The following PAPLN variants were observed in gnomAD, a reference collection of about 807,000 sequenced individuals.
PAPLN encodes the protein papilin, proteoglycan like sulfated glycoprotein, also known as papilin.
PAPLN carries 146 observed loss-of-function variants against 159.0 expected under a neutral mutation model. The observed-to-expected ratio is 0.92, with a 90% CI of 0.80 to 1.05. The LOEUF is 1.05. PAPLN is among the 50% of genes least tolerant of loss of function. PAPLN has a pLI of 0.00. For missense variants in PAPLN, 1,720 were observed against 1,743.9 expected (o/e 0.99, Z 0.24); for synonymous variants, 734 against 702.9 (o/e 1.04, Z -0.70).
At chr14:73,267,050 C>T (rs183173144) in intron 25 of PAPLN, among the ~76,000 whole-genome samples, 2 of 152,292 alleles carry the variant, frequency 1.3e-5, no homozygotes, top group East Asian at 3.9e-4. Flanking sequence ...GGTTTCCTAA[C>T]CTCAGCACTG....
chr14:73,248,948 T>C (rs539301218), intron 5 of PAPLN, among the ~76,000 whole-genome samples: 9 of 152,224 alleles, frequency 5.9e-5, no homozygotes, highest in African/African-American at 2.2e-4. Context: ...CTGGGTATCG[T>C]AGTGAGACCC....
At chr14:73,260,928 A>G in intron 17 of PAPLN, 99 bp downstream of exon 17, 1 of 1,458,136 alleles carries the variant, frequency 6.9e-7, no homozygotes. Context: ...CCTCGGAGAA[A>G]GGAGGTCCCT....
intron 7 of PAPLN, 109 bp downstream of exon 7, chr14:73,251,139 C>A: frequency 6.7e-7 from 1 of 1,489,534 alleles, no homozygotes; most frequent in Non-Finnish European, 9.0e-7. Context: ...CCTCATGGCA[C>A]TGGAAGGCTC....
Position 73,261,208 on chromosome 14 carries a change from G to A in PAPLN, c.2159G>A (p.Arg720Gln), listed in dbSNP as rs760201736. ...QAQQNEPSECRGSQFGCCYDN... is the reference protein window; with the variant it reads ...QAQQNEPSECQGSQFGCCYDN... ...CAGCAGAATGAGCCCAGTGAGTGCC[G>A]GGGCTCCCAGTTTGGCTGTTGCTAT... Residue 720 changes from arginine (R) to glutamine (Q), a missense_variant, in exon 18 of 27, where the codon CGG becomes CAG. Physicochemically the swap from Arg to Gln is conservative, Grantham distance 43. Transcript: ENST00000644200. The A allele has an allele frequency of 2.4e-5, 39 of 1,613,880 alleles. No individual in the cohort carries two copies. Among genetic ancestry groups the A allele is most frequent in the South Asian group, 1.3e-4 (12 of 91,080 alleles).
Position 73,269,176 on chromosome 14 carries a change from A to T in PAPLN, c.3667+453A>T, listed in dbSNP as rs138976341. The stretch of plus-strand genomic sequence containing the variant: ...ATAACCCAGAAAGGAAAGGGCAGGG[A>T]TTATCATCACCATTTTACAAATGAG... On this transcript the variant is annotated intron_variant, in intron 26 of 26. Transcript: ENST00000644200. Among the ~76,000 whole-genome samples, 220 of 152,316 alleles carry T rather than the reference A, an allele frequency of 1.4e-3. 2 individuals are homozygous for T. Among genetic ancestry groups the T allele is most frequent in the Admixed American group, 5.3e-3 (81 of 15,304 alleles).
At chr14:73,246,784 C>T (rs1884434038) in intron 5 of PAPLN, 1 of 151,800 alleles carries the variant, frequency 6.6e-6, no homozygotes, top group Admixed American at 6.6e-5. Context: ...ATATGGAATG[C>T]TTCATGAATT....
intron 26 of PAPLN, 119 bp from the exon 27 acceptor site, chr14:73,272,376 C>A (rs768917841): frequency 2.0e-6 from 2 of 979,928 alleles, no homozygotes; most frequent in African/African-American, 3.2e-5. Context: ...AAGTGCACTT[C>A]GTTTTCAATC....
chr14:73,246,634 C>CT (rs1884395551), intron 5 of PAPLN, among the ~76,000 whole-genome samples: 2 of 129,236 alleles, frequency 1.5e-5, no homozygotes, highest in Admixed American at 8.1e-5. Context: ...TTTCCTTTTT[C>CT]TTTCTTTCTT....
At position 73,267,833 on chromosome 14, in the gene PAPLN, C is replaced by A. The variant is rs148854567; in HGVS notation, c.3501-724C>A. Among the ~76,000 whole-genome samples, 134 of 152,280 alleles carry A rather than the reference C, an allele frequency of 8.8e-4. 1 individual carries two copies. Among genetic ancestry groups the A allele is most frequent in the African/African-American group, 1.8e-3 (73 of 41,560 alleles). On this transcript the variant is annotated intron_variant, in intron 25 of 26. Coordinates refer to ENST00000644200, the MANE Select transcript of PAPLN (RefSeq NM_001365906.3). The stretch of plus-strand genomic sequence containing the variant: ...CCAGCAGCAAACATGCATAGAACTC[C>A]CCTCTTCACAACCACCTTCCATTGA...
chr14:73,253,177 C>A, intron 11 of PAPLN: 3 of 1,363,716 alleles, frequency 2.2e-6, no homozygotes, highest in Non-Finnish European at 2.9e-6. Flanking sequence ...TTACCTGCAC[C>A]GGCCTGGAGC....
Position 73,253,963 on chromosome 14 carries a change from TCAGGCCCCTGGCCCG to T in PAPLN, c.1302+5_1302+19del. ...TGGAGCCCGGAGCCCTGGGGAGAGG[TCAGGCCCCTGGCCCG>T]CATGGGGCTGGTGCTGGACCTGGGT... On this transcript the variant is annotated splice_donor_5th_base_variant and intron_variant, in intron 12 of 26. Coordinates refer to ENST00000644200, the MANE Select transcript of PAPLN (RefSeq NM_001365906.3). The T allele has an allele frequency of 2.5e-6, 4 of 1,608,414 alleles. No homozygotes were observed. Among genetic ancestry groups the T allele is most frequent in the Non-Finnish European group, 3.4e-6 (4 of 1,178,360 alleles).
chr14:73,248,575 A>G (rs1399436214), intron 5 of PAPLN, among the ~76,000 whole-genome samples: 1 of 152,196 alleles, frequency 6.6e-6, no homozygotes. Context: ...AGGCTGAGGC[A>G]GGAGGATCAC....
Position 73,254,510 on chromosome 14 carries a change from C to G in PAPLN, c.1303-3C>G, listed in dbSNP as rs1211238998. On this transcript the variant is annotated splice_region_variant and splice_polypyrimidine_tract_variant and intron_variant, in intron 12 of 26. Coordinates refer to ENST00000644200, the MANE Select transcript of PAPLN (RefSeq NM_001365906.3). ...GCTTCTGCTGACAGCCTTGTCCTTG[C>G]AGTGTTCTGTCAGTTGTGGCGTTGG... 3 of 1,613,446 alleles carry G rather than the reference C, an allele frequency of 1.9e-6. No individual in the cohort carries two copies. The highest frequency in any genetic ancestry group is 2.5e-6 in the Non-Finnish European group (3 of 1,179,644).
At chr14:73,248,023 TGTGTGTTG>T (rs1884753953) in intron 5 of PAPLN, among the ~76,000 whole-genome samples, 1 of 88,404 alleles carries the variant, frequency 1.1e-5, no homozygotes. Context: ...TGTGTGTGTG[TGTGTGTTG>T]GGATTGTGGC....
At chr14:73,257,109 T>C (rs1277877010) in intron 14 of PAPLN, among the ~76,000 whole-genome samples, 1 of 152,092 alleles carries the variant, frequency 6.6e-6, no homozygotes, top group East Asian at 1.9e-4. Flanking sequence ...GTAGCTGAGA[T>C]CACAGGTGCA....
chr14:73,247,796 C>CT (rs769079646), intron 5 of PAPLN, among the ~76,000 whole-genome samples: 1 of 60,610 alleles, frequency 1.6e-5, no homozygotes. Flanking sequence ...GTCTCTTATC[C>CT]CGTGTGTGTG....
At position 73,254,577 on chromosome 14, in the gene PAPLN, C is replaced by A. The variant is rs942750813; in HGVS notation, c.1367C>A (p.Ser456Tyr). 6.2e-7 allele frequency: 1 copy of A among 1,614,054 alleles called. No individual in the cohort carries two copies. The highest frequency in any genetic ancestry group is 1.7e-5 in the Admixed American group (1 of 60,012). ...GTTACTTGCCGGGGTGAAAGGGGTT[C>A]TTTGCTCCATACCGCAGCGTGCTCC... ...RSVTCRGERG[S>Y]LLHTAACSLE... Residue 456 changes from serine (S) to tyrosine (Y), a missense_variant, in exon 13 of 27, where the codon TCT (serine) becomes TAT (tyrosine). By Grantham distance (144) the Ser-to-Tyr change is moderately radical (BLOSUM62 -2). Coordinates refer to ENST00000644200, the MANE Select transcript of PAPLN (RefSeq NM_001365906.3).
At position 73,259,267 on chromosome 14, in the gene PAPLN, A is replaced by G. The variant is rs750155163; in HGVS notation, c.1709-2A>G. The G allele has an allele frequency of 3.6e-5, 56 of 1,543,778 alleles. 1 individual carries two copies. In the South Asian group the frequency reaches 6.8e-4, roughly 19 times the overall value. On this transcript the variant is annotated splice_acceptor_variant, in intron 15 of 26. Transcript: ENST00000644200. LOFTEE classifies it high-confidence loss of function. ...TGTGTGTCTTTTGCTTCTTCTTTCT[A>G]GACTCCAGAGGCCAGTGGTGGGCAG...
chr14:73,261,457 CAG>C (rs1886580235), intron 18 of PAPLN, among the ~76,000 whole-genome samples, 163 bp downstream of exon 18: 2 of 152,370 alleles, frequency 1.3e-5, no homozygotes, highest in South Asian at 4.1e-4. Flanking sequence ...AGAGCAGTGC[CAG>C]AGTGTTCTCG....
Sources: allele counts gnomAD v4.1 joint callset (sites outside exome capture counted in the v4.1 genomes callset), GRCh38; gene constraint gnomAD v4.1.1; transcripts MANE v1.5; gene names NCBI Gene and HGNC (gene_info 2026-07-23, HGNC 2026-07-21).